The following CTNNA3 variants were observed in gnomAD, a reference collection of about 807,000 sequenced individuals.
CTNNA3 encodes the protein catenin alpha-3.
In CTNNA3, 76 loss-of-function variants were observed where a neutral mutation model predicts 95.7. The observed-to-expected ratio is 0.79, with a 90% CI of 0.66 to 0.96. CTNNA3 has a LOEUF of 0.96. Among genes scored for constraint, CTNNA3 ranks in the 40% least tolerant of loss-of-function variants. The pLI is 0.00. For missense variants in CTNNA3, 1,191 were observed against 1,089.8 expected (o/e 1.09, Z -1.31); for synonymous variants, 431 against 374.4 (o/e 1.15, Z -1.74).
chr10:67,567,485 A>G (rs1426588412), intron 3 of CTNNA3, among the ~76,000 whole-genome samples: 1 of 152,120 alleles, frequency 6.6e-6, no homozygotes, highest in Admixed American at 6.6e-5. Context: ...GTTAATGCGT[A>G]CAATGTACGT....
intron 1 of CTNNA3, among the ~76,000 whole-genome samples, chr10:67,713,204 T>TA (rs1469702984): frequency 6.6e-6 from 1 of 152,152 alleles, no homozygotes; most frequent in Non-Finnish European, 1.5e-5. Flanking sequence ...CACTGGTCAT[T>TA]AGAGAAATGC....
At chr10:66,372,431 A>G (rs755807057) in intron 12 of CTNNA3, among the ~76,000 whole-genome samples, 5 of 152,128 alleles carry the variant, frequency 3.3e-5, no homozygotes, top group Non-Finnish European at 5.9e-5. Flanking sequence ...CAGAAGATAC[A>G]AGACCTCTGG....
At chr10:67,415,333 G>A (rs1182982141) in intron 5 of CTNNA3, among the ~76,000 whole-genome samples, 2 of 152,136 alleles carry the variant, frequency 1.3e-5, no homozygotes, top group African/African-American at 4.8e-5. Context: ...ACAAAAATCA[G>A]TATCATTTCT....
intron 13 of CTNNA3, among the ~76,000 whole-genome samples, chr10:66,200,611 C>A (rs942067393): frequency 6.6e-6 from 1 of 152,126 alleles, no homozygotes; most frequent in African/African-American, 2.4e-5. Context: ...AATTGCACTG[C>A]GAATGTATCC....
chr10:66,183,076 C>T (rs2131861547), intron 13 of CTNNA3, among the ~76,000 whole-genome samples: 1 of 152,152 alleles, frequency 6.6e-6, no homozygotes, highest in East Asian at 1.9e-4. Context: ...ATTTATATTC[C>T]AAAATCACAA....
intron 13 of CTNNA3, among the ~76,000 whole-genome samples, chr10:66,126,575 G>A (rs1037516027): frequency 6.6e-6 from 1 of 152,104 alleles, no homozygotes; most frequent in African/African-American, 2.4e-5. Flanking sequence ...TTAGAGAAAT[G>A]CTAATTCTAC....
At chr10:66,553,492 A>G (rs1842287215) in intron 10 of CTNNA3, among the ~76,000 whole-genome samples, 1 of 146,310 alleles carries the variant, frequency 6.8e-6, no homozygotes, top group Non-Finnish European at 1.5e-5. Flanking sequence ...TTATTCACCA[A>G]GATCTAATGA....
intron 7 of CTNNA3, among the ~76,000 whole-genome samples, chr10:67,032,133 T>C (rs976982104): frequency 3.9e-5 from 6 of 152,172 alleles, no homozygotes; most frequent in African/African-American, 1.4e-4. Flanking sequence ...TTCCACTTTA[T>C]ATGTGAGAAC....
rs545381833 is a variant in CTNNA3 at position 66,466,396 on chromosome 10, G to A, written c.1531+54221C>T. Among the ~76,000 whole-genome samples, 30 of 146,124 alleles carry A rather than the reference G, an allele frequency of 2.1e-4. 1 individual carries two copies. The highest frequency in any genetic ancestry group is 8.9e-4 in the Admixed American group (13 of 14,530). On this transcript the variant is annotated intron_variant, in intron 11 of 17. Coordinates refer to ENST00000433211, the MANE Select transcript of CTNNA3 (RefSeq NM_013266.4). Reference sequence around the variant, plus strand: ...CACAATCTATTGGTTCTGTTTCCCCGGAGAACTCCGACCAATATACTTTCA... The same window carrying A: ...CACAATCTATTGGTTCTGTTTCCCCAGAGAACTCCGACCAATATACTTTCA...
chr10:66,117,293 T>A (rs1162456278), intron 13 of CTNNA3, among the ~76,000 whole-genome samples: 1 of 152,188 alleles, frequency 6.6e-6, no homozygotes, highest in Non-Finnish European at 1.5e-5. Flanking sequence ...AAATGTGAAA[T>A]GCCTATATGA....
chr10:66,579,175 T>C (rs1843104671), intron 10 of CTNNA3, among the ~76,000 whole-genome samples: 1 of 151,888 alleles, frequency 6.6e-6, no homozygotes, highest in Non-Finnish European at 1.5e-5. Context: ...TGAGATCACC[T>C]GTAAAGTCAC....
chr10:66,766,207 G>T (rs1188585900), intron 9 of CTNNA3, 57 bp downstream of exon 9: 3 of 1,551,848 alleles, frequency 1.9e-6, no homozygotes, highest in Non-Finnish European at 2.7e-6. Flanking sequence ...ACCATAAATG[G>T]AGAATGGGAG....
At position 66,947,364 on chromosome 10, in the gene CTNNA3, A is replaced by G. The variant is rs193016922; in HGVS notation, c.1048-171840T>C. Among the ~76,000 whole-genome samples the G allele has an allele frequency of 3.5e-3, 533 of 152,322 alleles. 5 individuals carry two copies. Among genetic ancestry groups the G allele is most frequent in the African/African-American group, 0.012 (494 of 41,582 alleles). ...TATCACACTCAATGCTGGTTTTACTATTAGAACATTATTGAAATTACCATT... is the reference window on the plus strand; with the variant it reads ...TATCACACTCAATGCTGGTTTTACTGTTAGAACATTATTGAAATTACCATT... On this transcript the variant is annotated intron_variant, in intron 7 of 17. Coordinates refer to ENST00000433211, the MANE Select transcript of CTNNA3 (RefSeq NM_013266.4).
chr10:67,103,778 T>C (rs1858474483), intron 7 of CTNNA3, among the ~76,000 whole-genome samples: 1 of 151,688 alleles, frequency 6.6e-6, no homozygotes, highest in Non-Finnish European at 1.5e-5. Context: ...ATTTATTCTG[T>C]ATTCAGAATA....
intron 9 of CTNNA3, among the ~76,000 whole-genome samples, chr10:66,697,533 A>C (rs1183188854): frequency 6.6e-6 from 1 of 152,106 alleles, no homozygotes; most frequent in Non-Finnish European, 1.5e-5. Flanking sequence ...GAAAAACTAC[A>C]TCATAAACTA....
intron 11 of CTNNA3, among the ~76,000 whole-genome samples, chr10:66,426,292 A>G (rs912022992): frequency 2.0e-5 from 3 of 152,068 alleles, no homozygotes; most frequent in African/African-American, 7.2e-5. Flanking sequence ...TTTTAATTAT[A>G]CTGTTAAAGT....
Position 67,491,037 on chromosome 10 carries a change from A to G in CTNNA3, c.579+30805T>C, listed in dbSNP as rs148128384. On this transcript the variant is annotated intron_variant, in intron 5 of 17. Transcript: ENST00000433211. ...GCTTAAGCAACCTACAAGTATTCTA[A>G]AAAGAAAAAAAAACTAATATGACAG... Among the ~76,000 whole-genome samples, 21 of 152,260 alleles carry G rather than the reference A, an allele frequency of 1.4e-4. 1 individual carries two copies. The highest frequency in any genetic ancestry group is 5.1e-4 in the African/African-American group (21 of 41,572).
At chr10:67,749,895 T>C (rs1209299612) in intron 1 of CTNNA3, among the ~76,000 whole-genome samples, 1 of 151,920 alleles carries the variant, frequency 6.6e-6, no homozygotes, top group Admixed American at 6.6e-5. Context: ...TTGAAAAAAA[T>C]TAATAAAATA....
chr10:66,779,913 A>T (rs1201004056), intron 7 of CTNNA3, among the ~76,000 whole-genome samples: 1 of 152,094 alleles, frequency 6.6e-6, no homozygotes, highest in Non-Finnish European at 1.5e-5. Flanking sequence ...AGACATAAAC[A>T]CAGTAGTTTA....
Sources: gnomAD v4.1 joint callset for allele counts (sites outside exome capture counted in the v4.1 genomes callset) on GRCh38, gnomAD v4.1.1 for gene constraint, MANE v1.5 for transcripts, NCBI Gene and HGNC (gene_info 2026-07-23, HGNC 2026-07-21) for gene names.